The following GALNT14 variants were observed in gnomAD, a reference collection of about 807,000 sequenced individuals.
GALNT14 encodes polypeptide N-acetylgalactosaminyltransferase 14.
In GALNT14, 60 loss-of-function variants were observed where a neutral mutation model predicts 77.5. The ratio of observed to expected loss-of-function variants is 0.77; its 90% CI spans 0.63 to 0.96. The LOEUF is 0.96. Among genes scored for constraint, GALNT14 ranks in the 40% least tolerant of loss-of-function variants. GALNT14 has a pLI of 0.00. For missense variants in GALNT14, 710 were observed against 731.0 expected, an observed-to-expected ratio of 0.97 and a Z score of 0.33; for synonymous variants, 280 against 281.7, an observed-to-expected ratio of 0.99 and a Z score of 0.06.
chr2:31,044,770 C>A (rs911847362), intron 1 of GALNT14, among the ~76,000 whole-genome samples: 4 of 128,614 alleles, frequency 3.1e-5, no homozygotes, highest in African/African-American at 1.2e-4. Context: ...TACAAAAATA[C>A]AAAAATTAGT....
chr2:30,939,383 G>T (rs1039022274), intron 9 of GALNT14, among the ~76,000 whole-genome samples: 4 of 152,122 alleles, frequency 2.6e-5, no homozygotes, highest in African/African-American at 9.7e-5. Flanking sequence ...GGGAAGCTAG[G>T]TCCTAATAGT....
chr2:30,938,384 A>T (rs572058175), intron 9 of GALNT14, among the ~76,000 whole-genome samples: 3,101 of 141,666 alleles, frequency 0.022, 53 homozygotes, highest in African/African-American at 0.049. Flanking sequence ...ACACACACAC[A>T]CTCTCTCTCT....
At chr2:31,078,838 T>C in intron 1 of GALNT14, 1 of 1,106,792 alleles carries the variant, frequency 9.0e-7, no homozygotes, top group South Asian at 1.3e-5. Flanking sequence ...GATATAGGCC[T>C]GGGAGAACCC....
intron 1 of GALNT14, among the ~76,000 whole-genome samples, chr2:31,109,727 T>G (rs763183637): frequency 3.3e-5 from 5 of 152,200 alleles, no homozygotes; most frequent in Non-Finnish European, 7.3e-5. Flanking sequence ...TAATGTGTTA[T>G]GAGGTGTGTT....
the GALNT14 span, among the ~76,000 whole-genome samples, chr2:30,889,033 C>T: frequency 1.6e-3 from 248 of 151,944 alleles, 1 homozygote; most frequent in African/African-American, 5.6e-3. Context: ...CCCAGAGTCA[C>T]CTGTAAAGAA....
intron 2 of GALNT14, among the ~76,000 whole-genome samples, chr2:30,990,980 C>T (rs1361481835): frequency 6.6e-6 from 1 of 152,210 alleles, no homozygotes; most frequent in African/African-American, 2.4e-5. Flanking sequence ...GAACTGGACA[C>T]CGTGAGCTGG....
chr2:30,993,030 CTG>C, intron 1 of GALNT14, 23 bp from the exon 2 acceptor site: 2 of 1,611,892 alleles, frequency 1.2e-6, no homozygotes, highest in Non-Finnish European at 1.7e-6. Flanking sequence ...AATGGGAAGT[CTG>C]TGAGAACGGC....
At chr2:30,924,422 G>A (rs2148231601) in intron 12 of GALNT14, 159 bp from the exon 13 acceptor site, 1 of 750,214 alleles carries the variant, frequency 1.3e-6, no homozygotes, top group Non-Finnish European at 2.2e-6. Context: ...TAAGAATGAG[G>A]TGGCAAGGAA....
At chr2:31,137,649 C>A (rs1159413035) in intron 1 of GALNT14, among the ~76,000 whole-genome samples, 1 of 152,150 alleles carries the variant, frequency 6.6e-6, no homozygotes, top group African/African-American at 2.4e-5. Context: ...GCCCCTGGGC[C>A]GCCCGTCCGC....
intron 1 of GALNT14, among the ~76,000 whole-genome samples, chr2:31,050,149 C>A (rs1012800853): frequency 2.0e-5 from 3 of 152,114 alleles, no homozygotes; most frequent in Non-Finnish European, 4.4e-5. Flanking sequence ...TAGCTGTGGG[C>A]CAGCATGACT....
At chr2:30,952,531 A>T (rs1205223300) in intron 6 of GALNT14, among the ~76,000 whole-genome samples, 2 of 146,930 alleles carry the variant, frequency 1.4e-5, no homozygotes, top group East Asian at 4.1e-4. Flanking sequence ...AACACCGCAT[A>T]TTCTCACTCA....
intron 13 of GALNT14, among the ~76,000 whole-genome samples, chr2:30,921,876 G>A (rs113418737): frequency 2.1e-3 from 327 of 152,330 alleles, no homozygotes; most frequent in Non-Finnish European, 3.5e-3. Flanking sequence ...GGCTAGGGAT[G>A]CTGCTAGACT....
intron 1 of GALNT14, chr2:31,073,128 G>A (rs1675521905): frequency 6.6e-6 from 1 of 152,162 alleles, no homozygotes; most frequent in Non-Finnish European, 1.5e-5. Context: ...CTAACCAGCT[G>A]CGTGATCTTG....
At chr2:30,911,626 G>C (rs1259253703) in intron 14 of GALNT14, among the ~76,000 whole-genome samples, 1 of 152,226 alleles carries the variant, frequency 6.6e-6, no homozygotes, top group Non-Finnish European at 1.5e-5. Context: ...GCTGCCCTGT[G>C]TAGTGGACAT....
chr2:31,049,694 C>A (rs1673714510), intron 1 of GALNT14, among the ~76,000 whole-genome samples: 1 of 152,136 alleles, frequency 6.6e-6, no homozygotes, highest in African/African-American at 2.4e-5. Flanking sequence ...AGGCCAGCAG[C>A]CTGGCTGGAA....
chr2:31,003,489 G>T (rs1170045409), intron 1 of GALNT14, among the ~76,000 whole-genome samples: 1 of 152,142 alleles, frequency 6.6e-6, no homozygotes, highest in African/African-American at 2.4e-5. Flanking sequence ...CCCCCGGAGG[G>T]TCTGCCAGCC....
the GALNT14 span, among the ~76,000 whole-genome samples, chr2:30,897,563 C>T: frequency 6.6e-6 from 1 of 152,214 alleles, no homozygotes. Flanking sequence ...GTGAGAGGCA[C>T]GGCCTCCCCA....
chr2:30,928,636 A>G (rs1391995624), intron 11 of GALNT14, among the ~76,000 whole-genome samples: 1 of 151,868 alleles, frequency 6.6e-6, no homozygotes, highest in Non-Finnish European at 1.5e-5. Context: ...AATTTTTTTG[A>G]GATGGGGTCT....
intron 13 of GALNT14, among the ~76,000 whole-genome samples, chr2:30,919,963 A>G (rs1258195696): frequency 6.6e-6 from 1 of 152,140 alleles, no homozygotes; most frequent in African/African-American, 2.4e-5. Flanking sequence ...ACCTTCGTTC[A>G]TCTTTTCATA....
Sources: allele counts gnomAD v4.1 joint callset (sites outside exome capture counted in the v4.1 genomes callset), GRCh38; gene constraint gnomAD v4.1.1; transcripts MANE v1.5; gene names NCBI Gene and HGNC (gene_info 2026-07-23, HGNC 2026-07-21).